Variants in HERC2 observed in about 807,000 individuals in gnomAD.
HERC2 encodes E3 ubiquitin-protein ligase HERC2.
Under a neutral mutation model 537.7 loss-of-function variants are expected in HERC2, and 102 were observed. That is an observed-to-expected ratio of 0.19 (90% CI 0.16 to 0.22). The LOEUF (loss-of-function observed/expected upper bound fraction) is 0.22, where lower values mean the gene tolerates loss of function less well. Ranked by LOEUF, HERC2 falls within the 10% of genes least tolerant of loss-of-function variation. The probability of loss-of-function intolerance (pLI) is 1.00; values close to 1 mark genes in which losing one functional copy is unlikely to be tolerated. For synonymous variants in HERC2, 2,224 were observed against 2,466.2 expected (o/e 0.90, Z 2.91); for missense variants, 4,236 against 6,198.2 (o/e 0.68, Z 10.63).
intron 72 of HERC2, among the ~76,000 whole-genome samples, chr15:28,144,461 C>CA (rs1452973435): frequency 5.9e-5 from 9 of 152,190 alleles, no homozygotes; most frequent in African/African-American, 1.9e-4. Flanking sequence ...CCTTCCACAC[C>CA]AGGTGAGGAG....
chr15:28,161,371 A>G (rs891508941), intron 69 of HERC2, among the ~76,000 whole-genome samples: 4 of 152,206 alleles, frequency 2.6e-5, no homozygotes, highest in Non-Finnish European at 5.9e-5. Context: ...TAAGTGACAG[A>G]GTAAGACTTT....
chr15:28,295,959 C>G (rs1447952457), intron 3 of HERC2, among the ~76,000 whole-genome samples: 1 of 151,760 alleles, frequency 6.6e-6, no homozygotes, highest in African/African-American at 2.4e-5. Context: ...AGTAGGCCAC[C>G]CCCACCCTAC....
rs1185868327 is a variant in HERC2 at position 28,198,769 on chromosome 15, C to T, written c.7717G>A (p.Val2573Met). Residue 2573 changes from valine to methionine, a missense_variant and splice_region_variant, in exon 49 of 93, where the codon GTG becomes ATG. Transcript: ENST00000261609. ...YAVYVRENIQ[V>M]GMMVRCCRAY... ...CGGCAGCATCTAACCATCATTCCCA[C>T]CTAGAATTAAAATGAAATTGGAGAT... The T allele has an allele frequency of 2.5e-6, 4 of 1,608,068 alleles. No individual in the cohort carries two copies. In the South Asian group the frequency reaches 3.3e-5, roughly 13 times the overall value.
At position 28,229,237 on chromosome 15, in the gene HERC2, G is replaced by C; in HGVS notation, c.5230C>G (p.Arg1744Gly). ...KLYAWAVQNI[R>G]NVLMDASAKF... is the part of the protein sequence containing the mutation. Reference sequence around the variant, plus strand: ...GCACTGGCATCCATCAAAACATTTCGAATGTTCTGTACAGCCCAAGCGTAC... The same window carrying C: ...GCACTGGCATCCATCAAAACATTTCCAATGTTCTGTACAGCCCAAGCGTAC... The change falls in exon 34 of 93, where the codon CGA (arginine) becomes GGA (glycine). Residue 1744 changes from arginine (R) to glycine (G), a missense_variant. Coordinates refer to ENST00000261609, the MANE Select transcript of HERC2 (RefSeq NM_004667.6). 6.2e-7 allele frequency: 1 copy of C among 1,613,538 alleles called. No homozygotes were observed. Among genetic ancestry groups the C allele is most frequent in the Non-Finnish European group, 8.5e-7 (1 of 1,179,788 alleles).
chr15:28,169,445 C>A lies in HERC2; in HGVS notation c.10229+39G>T, dbSNP rs200787864. 7.5e-6 allele frequency: 11 copies of A among 1,467,188 alleles called. No homozygotes were observed. In the East Asian group the frequency reaches 2.5e-4, roughly 34 times the overall value. The allele number at this position is 1,467,188 out of a possible 1,614,324, so 90.9% of individuals were successfully genotyped here. Reference sequence around the variant, plus strand: ...AAAAATCACAAAAATGTGAAGCTCACATAATTGCAGAATTTCAAAAATTAG... The same window carrying A: ...AAAAATCACAAAAATGTGAAGCTCAAATAATTGCAGAATTTCAAAAATTAG... On this transcript the variant is annotated intron_variant, in intron 66 of 92. Coordinates refer to ENST00000261609, the MANE Select transcript of HERC2 (RefSeq NM_004667.6).
rs145115376 is a variant in HERC2, at chr15:28,125,328, A to G, written c.12803-135T>C. The G allele has an allele frequency of 3.8e-5, 27 of 716,232 alleles. No individual in the cohort carries two copies. The East Asian group carries it at 6.8e-4, about 18-fold the overall frequency. 44.4% of individuals were successfully genotyped at this position (716,232 alleles called of 1,614,324 possible). Reference sequence around the variant, plus strand: ...GTGTTGACCTAGTTGTCAACTTTACATATGACCTAGACATGAATGTCTGCT... The same window carrying G: ...GTGTTGACCTAGTTGTCAACTTTACGTATGACCTAGACATGAATGTCTGCT... On this transcript the variant is annotated intron_variant, in intron 83 of 92. Coordinates refer to ENST00000261609, the MANE Select transcript of HERC2 (RefSeq NM_004667.6).
chr15:28,304,163 C>T (rs182831965), intron 2 of HERC2, among the ~76,000 whole-genome samples: 4 of 56,302 alleles, frequency 7.1e-5, no homozygotes, highest in African/African-American at 1.4e-4. Context: ...GAGACTCCAT[C>T]TCAAAAAAAA....
At chr15:28,289,817 GCAGTGAGAGGACGACACACCT>G (rs1339807449) in intron 4 of HERC2, among the ~76,000 whole-genome samples, 4 of 152,210 alleles carry the variant, frequency 2.6e-5, no homozygotes, top group Non-Finnish European at 5.9e-5. Flanking sequence ...TGCTCCTTGT[GCAGTGAGAGGACGACACACCT>G]CAGTGAGAGG....
intron 83 of HERC2, among the ~76,000 whole-genome samples, chr15:28,126,845 G>T (rs930539490): frequency 6.6e-6 from 1 of 152,046 alleles, no homozygotes; most frequent in Non-Finnish European, 1.5e-5. Flanking sequence ...CCACCTGTTC[G>T]CCAAAAACTT....
At chr15:28,218,906 T>A (rs2140484455) in intron 37 of HERC2, among the ~76,000 whole-genome samples, 1 of 152,228 alleles carries the variant, frequency 6.6e-6, no homozygotes, top group African/African-American at 2.4e-5. Context: ...CATAGCTCAC[T>A]GCAGCTTTGA....
chr15:28,315,636 T>C (rs1436998211), intron 2 of HERC2: 1 of 576,742 alleles, frequency 1.7e-6, no homozygotes, highest in Non-Finnish European at 3.3e-6. Flanking sequence ...CTACTAAAAA[T>C]ATAAAAAATT....
At chr15:28,317,848 A>T (rs1160202052) in intron 2 of HERC2, among the ~76,000 whole-genome samples, 1 of 152,240 alleles carries the variant, frequency 6.6e-6, no homozygotes, top group Non-Finnish European at 1.5e-5. Context: ...AGTATGCGCA[A>T]ATATACAGTG....
chr15:28,278,372 G>A (rs888735902), intron 5 of HERC2, among the ~76,000 whole-genome samples: 3 of 152,032 alleles, frequency 2.0e-5, no homozygotes, highest in Non-Finnish European at 4.4e-5. Flanking sequence ...AGACCCCCAT[G>A]TCAAAACAAA....
At chr15:28,136,633 T>A (rs183946227) in intron 78 of HERC2, among the ~76,000 whole-genome samples, 165 of 152,316 alleles carry the variant, frequency 1.1e-3, no homozygotes, top group African/African-American at 3.7e-3. Flanking sequence ...GTTGGCAAAT[T>A]ATGGCCCATG....
rs559761830 is a variant in HERC2 at position 28,213,970 on chromosome 15, G to A, written c.6558C>T (p.Ala2186=). 2.8e-4 allele frequency: 447 copies of A among 1,613,484 alleles called. 8 individuals carry two copies. In the Admixed American group the frequency reaches 7.4e-3, roughly 27 times the overall value. The change falls in exon 42 of 93, where the codon GCC becomes GCT. Residue 2186 remains alanine (A), a splice_region_variant and synonymous_variant. Transcript: ENST00000261609. ...HSFVGRPSEG[A]QLEDYFPDSE... The stretch of plus-strand genomic sequence containing the variant: ...AGTCGGGGAAGTAGTCCTCTAACTG[G>A]GCCTAGTGCAGACCAAACAGCGAGC...
chr15:28,179,137 C>T lies in HERC2; in HGVS notation c.9019+5G>A, dbSNP rs954181566. The T allele has an allele frequency of 3.1e-6, 5 of 1,610,014 alleles. No homozygotes were observed. The African/African-American group carries it at 6.7e-5, about 22-fold the overall frequency. Reference sequence around the variant, plus strand: ...AAAAATTTTTTAAGATTAGAATAATCATACCTGCAAACAAACTTTTAGATC... The same window carrying T: ...AAAAATTTTTTAAGATTAGAATAATTATACCTGCAAACAAACTTTTAGATC... On this transcript the variant is annotated splice_donor_5th_base_variant and intron_variant, in intron 58 of 92. Coordinates refer to ENST00000261609, the MANE Select transcript of HERC2 (RefSeq NM_004667.6).
At chr15:28,182,901 G>A (rs904198374) in intron 56 of HERC2, among the ~76,000 whole-genome samples, 2 of 152,188 alleles carry the variant, frequency 1.3e-5, no homozygotes, top group African/African-American at 4.8e-5. Flanking sequence ...ACCTGCCCAG[G>A]AGCCACGCTG....
intron 20 of HERC2, among the ~76,000 whole-genome samples, chr15:28,253,155 C>G (rs768784030): frequency 1.0e-4 from 15 of 149,058 alleles, no homozygotes; most frequent in African/African-American, 1.5e-4. Flanking sequence ...TTTCGCTCTT[C>G]TTGGGTGATC....
At chr15:28,137,522 T>A (rs1263388564) in intron 78 of HERC2, among the ~76,000 whole-genome samples, 1 of 152,254 alleles carries the variant, frequency 6.6e-6, no homozygotes, top group African/African-American at 2.4e-5. Context: ...ACTTTTTCAT[T>A]ATTTTATCTG....
Sources: gnomAD v4.1 joint callset for allele counts (sites outside exome capture counted in the v4.1 genomes callset) on GRCh38, gnomAD v4.1.1 for gene constraint, MANE v1.5 for transcripts, NCBI Gene and HGNC (gene_info 2026-07-23, HGNC 2026-07-21) for gene names.